Variants in TRAPPC9 observed in about 807,000 individuals in gnomAD.
TRAPPC9 encodes trafficking protein particle complex subunit 9.
A neutral mutation model predicts 124.0 loss-of-function variants in TRAPPC9; 83 were observed. The observed-to-expected ratio is 0.67, with a 90% CI of 0.56 to 0.80. The LOEUF is 0.80. Ranked by LOEUF, TRAPPC9 falls within the 30% of genes least tolerant of loss-of-function variation. The pLI is 0.00. For synonymous variants in TRAPPC9, 638 were observed against 617.5 expected (o/e 1.03, Z -0.49); for missense variants, 1,302 against 1,508.3 (o/e 0.86, Z 2.27).
At chr8:140,238,120 C>T (rs567338775) in intron 16 of TRAPPC9, among the ~76,000 whole-genome samples, 2 of 152,078 alleles carry the variant, frequency 1.3e-5, no homozygotes, top group African/African-American at 4.8e-5. Flanking sequence ...CCAGCCTGGG[C>T]GGAAAGGGCA....
intron 21 of TRAPPC9, among the ~76,000 whole-genome samples, chr8:139,848,446 C>A (rs757345541): frequency 6.6e-6 from 1 of 152,074 alleles, no homozygotes; most frequent in Non-Finnish European, 1.5e-5. Context: ...ATACACAACC[C>A]AGAGAGGAAA....
Position 140,062,427 on chromosome 8 carries a change from G to A in TRAPPC9, c.2557-38348C>T, listed in dbSNP as rs1024502652. 5.3e-5 allele frequency among the ~76,000 whole-genome samples: 8 copies of A among 151,946 alleles called. No homozygotes were observed. The East Asian group carries it at 9.7e-4, about 18-fold the overall frequency. On this transcript the variant is annotated intron_variant, in intron 17 of 22. Coordinates refer to ENST00000438773, the MANE Select transcript of TRAPPC9 (RefSeq NM_001160372.4). ...TCCAGCTTCACCTTCTATTTCTCTC[G>A]CCCATTCCTTATGTCCTGGCTGTGT... is the stretch of plus-strand genomic sequence containing the variant.
At chr8:140,220,694 C>G (rs2063319654) in intron 17 of TRAPPC9, among the ~76,000 whole-genome samples, 1 of 152,204 alleles carries the variant, frequency 6.6e-6, no homozygotes, top group Non-Finnish European at 1.5e-5. Context: ...CACTGTATCA[C>G]TGACTCACAA....
chr8:140,145,985 A>G (rs1259425219), intron 17 of TRAPPC9, among the ~76,000 whole-genome samples: 3 of 152,292 alleles, frequency 2.0e-5, no homozygotes, highest in South Asian at 2.1e-4. Flanking sequence ...TCCATCCTCA[A>G]CATCTCTCCT....
chr8:140,020,752 G>A (rs926326263), intron 18 of TRAPPC9, among the ~76,000 whole-genome samples: 1 of 152,102 alleles, frequency 6.6e-6, no homozygotes, highest in Admixed American at 6.6e-5. Flanking sequence ...GATAAATGTT[G>A]ACGTTTTCAA....
rs138406013 is a variant in TRAPPC9, at chr8:140,406,445, T to C, written c.887-747A>G. On this transcript the variant is annotated intron_variant, in intron 5 of 22. Transcript: ENST00000438773. ...CACAAATCCTGTTTCCCTTGCACTG[T>C]TGGGAGGCTCAGGGATGAGCCTGCC... Among the ~76,000 whole-genome samples the C allele has an allele frequency of 1.2e-4, 18 of 152,344 alleles. No homozygotes were observed. In the East Asian group the frequency reaches 3.5e-3, roughly 29 times the overall value.
At chr8:140,000,703 A>G (rs1217051640) in intron 18 of TRAPPC9, among the ~76,000 whole-genome samples, 1 of 152,238 alleles carries the variant, frequency 6.6e-6, no homozygotes, top group African/African-American at 2.4e-5. Context: ...TGCCAGTTAG[A>G]ATGGCAATCA....
At chr8:139,796,560 T>C (rs922935600) in intron 21 of TRAPPC9, among the ~76,000 whole-genome samples, 1 of 152,268 alleles carries the variant, frequency 6.6e-6, no homozygotes, top group Non-Finnish European at 1.5e-5. Flanking sequence ...TCATGGTTCA[T>C]CCATGTTATA....
intron 5 of TRAPPC9, among the ~76,000 whole-genome samples, chr8:140,413,509 C>CTTTTTT (rs200188588): frequency 7.3e-6 from 1 of 137,004 alleles, no homozygotes; most frequent in Admixed American, 7.3e-5. Context: ...AGAACAAAGT[C>CTTTTTT]TTTTTTTTTT....
intron 20 of TRAPPC9, among the ~76,000 whole-genome samples, chr8:139,905,895 C>G (rs539328362): frequency 2.6e-4 from 40 of 152,050 alleles, no homozygotes; most frequent in South Asian, 1.9e-3. Context: ...GAGATTCAGA[C>G]CATTATGGCC....
chr8:140,157,508 A>T (rs966490872), intron 17 of TRAPPC9, among the ~76,000 whole-genome samples: 52 of 152,238 alleles, frequency 3.4e-4, no homozygotes, highest in African/African-American at 1.2e-3. Flanking sequence ...AAGATTCAGG[A>T]GCAGAACAAT....
chr8:140,193,676 A>C (rs192408838), intron 17 of TRAPPC9, among the ~76,000 whole-genome samples: 49 of 151,576 alleles, frequency 3.2e-4, no homozygotes, highest in African/African-American at 1.1e-3. Context: ...CTACTGCTAG[A>C]AAGTCCACTG....
chr8:139,950,057 G>T (rs1834537426), intron 19 of TRAPPC9, among the ~76,000 whole-genome samples: 1 of 152,232 alleles, frequency 6.6e-6, no homozygotes, highest in South Asian at 2.1e-4. Context: ...AATCATTCAA[G>T]GTAGCACGGC....
intron 21 of TRAPPC9, among the ~76,000 whole-genome samples, chr8:139,827,370 G>A (rs1825708500): frequency 6.6e-6 from 1 of 152,242 alleles, no homozygotes; most frequent in African/African-American, 2.4e-5. Flanking sequence ...AGCCATGGCT[G>A]ATCCCCGTAA....
chr8:139,986,068 T>A (rs1346599439), intron 19 of TRAPPC9, among the ~76,000 whole-genome samples: 1 of 151,724 alleles, frequency 6.6e-6, no homozygotes, highest in Admixed American at 6.6e-5. Context: ...CATGGTGAAA[T>A]CCCATCTCTA....
At chr8:140,219,743 C>A (rs1316917336) in intron 17 of TRAPPC9, among the ~76,000 whole-genome samples, 2 of 152,200 alleles carry the variant, frequency 1.3e-5, no homozygotes, top group Non-Finnish European at 2.9e-5. Flanking sequence ...GGCAAACGAG[C>A]CTGTTGGTCC....
In TRAPPC9 at chr8:140,104,888, G is replaced by A. The variant is rs2060636709; in HGVS notation, c.2557-80809C>T. Reference sequence around the variant, plus strand: ...AACAGTGTTAATGGCGACATTTAACGACATGGAGCTCCCTGAGTTGACTCT... The same window carrying A: ...AACAGTGTTAATGGCGACATTTAACAACATGGAGCTCCCTGAGTTGACTCT... On this transcript the variant is annotated intron_variant, in intron 17 of 22. Transcript: ENST00000438773. This position sits in a 1 kb window ranked among gnomAD's most constrained non-coding sequence, Gnocchi z 4.0. Among the ~76,000 whole-genome samples the A allele has an allele frequency of 1.3e-5, 2 of 152,188 alleles. No homozygotes were observed. The highest frequency in any genetic ancestry group is 4.1e-4 in the South Asian group (2 of 4,832).
At chr8:139,831,133 G>A (rs1484860509) in intron 21 of TRAPPC9, among the ~76,000 whole-genome samples, 2 of 152,204 alleles carry the variant, frequency 1.3e-5, no homozygotes, top group Admixed American at 6.5e-5. Context: ...AGAGGGCTGG[G>A]AATTGAACCC....
intron 10 of TRAPPC9, among the ~76,000 whole-genome samples, chr8:140,305,040 G>A (rs972914737): frequency 1.3e-5 from 2 of 152,146 alleles, no homozygotes; most frequent in Non-Finnish European, 2.9e-5. Context: ...TGTTCTCTTC[G>A]AGAGAATCCA....
Sources: allele counts gnomAD v4.1 joint callset (sites outside exome capture counted in the v4.1 genomes callset), GRCh38; gene constraint gnomAD v4.1.1; non-coding constraint Gnocchi (gnomAD v3.1); transcripts MANE v1.5; gene names NCBI Gene and HGNC (gene_info 2026-07-23, HGNC 2026-07-21).